ANKRD36B: variants seen among roughly 807,000 people sequenced by gnomAD.
The protein encoded by ANKRD36B is ankyrin repeat domain-containing protein 36B.
A neutral mutation model predicts 135.7 loss-of-function variants in ANKRD36B; 37 were observed. The observed-to-expected ratio is 0.27, with a 90% CI of 0.21 to 0.36. ANKRD36B has a LOEUF of 0.36. Ranked by LOEUF, ANKRD36B falls within the 10% of genes least tolerant of loss-of-function variation. The pLI is 1.00. For missense variants in ANKRD36B, 549 were observed against 1,037.1 expected, an observed-to-expected ratio of 0.53 and a Z score of 6.46; for synonymous variants, 179 against 348.1, an observed-to-expected ratio of 0.51 and a Z score of 5.41.
rs536199012 is a variant in ANKRD36B, at chr2:97,540,496, C to T, written c.1886-267G>A. ...TAAAATAAAACCGTGTCAATATCAA[C>T]GTGGATATGCTGAGTGATGAGGACA... On this transcript the variant is annotated intron_variant, in intron 28 of 43. Transcript: ENST00000359901. Among the ~76,000 whole-genome samples, 17 of 96,352 alleles carry T rather than the reference C, an allele frequency of 1.8e-4. 5 individuals are homozygous for T. The highest frequency in any genetic ancestry group is 4.0e-4 in the African/African-American group (13 of 32,318). The allele number at this position is 96,352 out of a possible 152,430, so 63.2% of individuals were successfully genotyped here.
At position 97,525,596 on chromosome 2, in the gene ANKRD36B, G is replaced by A. The variant is rs1191676701; in HGVS notation, c.2266-2129C>T. ...CACTGTGCATGACCTGAGGGAGGGT[G>A]AGGCATTGCCTCACTCAGGAAGTGG... On this transcript the variant is annotated intron_variant, in intron 35 of 43. Coordinates refer to ENST00000359901, the MANE Select transcript of ANKRD36B (RefSeq NM_001393939.1). Among the ~76,000 whole-genome samples the A allele has an allele frequency of 2.1e-5, 2 of 96,424 alleles. 1 individual carries two copies. The highest frequency in any genetic ancestry group is 4.6e-4 in the East Asian group (2 of 4,308). 63.3% of individuals were successfully genotyped at this position (96,424 alleles called of 152,430 possible). A position where few individuals can be genotyped will look rare whatever the true frequency, so the allele number is the denominator to read the frequency against.
chr2:97,541,737 C>T, intron 28 of ANKRD36B, 174 bp downstream of exon 28: 1 of 562,982 alleles, frequency 1.8e-6, no homozygotes, highest in Non-Finnish European at 3.3e-6. Flanking sequence ...CTACTCAGAT[C>T]ATGGTCAAGG....
At chr2:97,585,480 T>C (rs1055205176) in intron 1 of ANKRD36B, 82 bp from the exon 2 acceptor site, 21 of 1,472,076 alleles carry the variant, frequency 1.4e-5, no homozygotes, top group African/African-American at 1.3e-4. Flanking sequence ...AAAACAAATA[T>C]GTAATTTTCT....
intron 20 of ANKRD36B, 31 bp downstream of exon 20, chr2:97,549,388 A>G: frequency 5.2e-6 from 8 of 1,539,266 alleles, no homozygotes; most frequent in Non-Finnish European, 6.1e-6. Context: ...ATCTGGACTG[A>G]ACATGACATT....
chr2:97,582,387 T>C (rs1326535669), intron 3 of ANKRD36B, among the ~76,000 whole-genome samples: 17 of 151,508 alleles, frequency 1.1e-4, no homozygotes, highest in Non-Finnish European at 1.5e-5. Context: ...TAAAATATAT[T>C]ATAAAACAGG....
chr2:97,577,801 T>C (rs2082323389), intron 5 of ANKRD36B, among the ~76,000 whole-genome samples: 1 of 151,340 alleles, frequency 6.6e-6, no homozygotes. Context: ...TCTTCATTAT[T>C]ATAGATAACA....
intron 22 of ANKRD36B, 149 bp downstream of exon 22, chr2:97,547,387 A>C: frequency 1.0e-6 from 1 of 983,240 alleles, no homozygotes; most frequent in Non-Finnish European, 1.5e-6. Flanking sequence ...CAGCAACACT[A>C]TCACCCACGA....
At chr2:97,559,641 T>A (rs2080845976) in intron 8 of ANKRD36B, among the ~76,000 whole-genome samples, 1 of 151,918 alleles carries the variant, frequency 6.6e-6, no homozygotes, top group Non-Finnish European at 1.5e-5. Flanking sequence ...CATCCACTCA[T>A]GGCAACAAAC....
At chr2:97,525,749 A>G (rs2078168042) in intron 35 of ANKRD36B, among the ~76,000 whole-genome samples, 4 of 97,422 alleles carry the variant, frequency 4.1e-5, no homozygotes, top group Admixed American at 9.0e-5. Context: ...CCAGGAGATT[A>G]TATCCTGCAC....
chr2:97,573,122 T>C (rs947671561), intron 6 of ANKRD36B, among the ~76,000 whole-genome samples: 5 of 152,064 alleles, frequency 3.3e-5, no homozygotes, highest in African/African-American at 1.2e-4. Context: ...GTCCATGTGT[T>C]CTCATTGTTC....
intron 38 of ANKRD36B, among the ~76,000 whole-genome samples, chr2:97,512,909 ATG>A (rs1375648284): frequency 8.6e-6 from 1 of 116,446 alleles, no homozygotes; most frequent in Non-Finnish European, 1.6e-5. Flanking sequence ...TAGGGGAAAT[ATG>A]CTGAACTATG....
At position 97,560,868 on chromosome 2, in the gene ANKRD36B, G is replaced by A. The variant is rs1411821809; in HGVS notation, c.764-8C>T. The stretch of plus-strand genomic sequence containing the variant: ...GTTGTTTCTGAGGAGACACTGAAAA[G>A]CAAAAGGGATACATAATCAATCATA... On this transcript the variant is annotated splice_polypyrimidine_tract_variant and splice_region_variant and intron_variant, in intron 6 of 43. Coordinates refer to ENST00000359901, the MANE Select transcript of ANKRD36B (RefSeq NM_001393939.1). 1 of 1,564,910 alleles carries A rather than the reference G, an allele frequency of 6.4e-7. No homozygotes were observed.
intron 6 of ANKRD36B, among the ~76,000 whole-genome samples, chr2:97,573,160 G>A (rs576699370): frequency 2.2e-4 from 33 of 151,960 alleles, no homozygotes; most frequent in Middle Eastern, 3.4e-3. Context: ...GACAACATGC[G>A]GTGTTTCGTT....
intron 6 of ANKRD36B, among the ~76,000 whole-genome samples, chr2:97,573,237 A>G (rs2082004687): frequency 6.6e-6 from 1 of 152,206 alleles, no homozygotes; most frequent in African/African-American, 2.4e-5. Flanking sequence ...TACAAAGGAC[A>G]TGAACTCATC....
intron 8 of ANKRD36B, among the ~76,000 whole-genome samples, chr2:97,559,970 A>T (rs542014521): frequency 1.4e-4 from 22 of 152,004 alleles, no homozygotes; most frequent in Admixed American, 1.3e-3. Flanking sequence ...AGTCAACAAA[A>T]CATGTATCTC....
At chr2:97,576,009 T>C (rs2082210981) in intron 6 of ANKRD36B, among the ~76,000 whole-genome samples, 1 of 150,776 alleles carries the variant, frequency 6.6e-6, no homozygotes, top group Non-Finnish European at 1.5e-5. Flanking sequence ...ATTCATTTAG[T>C]AATTGCAAAG....
At chr2:97,538,506 C>A in intron 30 of ANKRD36B, 143 bp from the exon 31 acceptor site, 2 of 509,406 alleles carry the variant, frequency 3.9e-6, no homozygotes, top group South Asian at 2.0e-5. Context: ...GTCTTTGGGA[C>A]AGGAACATGA....
At chr2:97,550,557 G>A (rs11688491) in intron 18 of ANKRD36B, among the ~76,000 whole-genome samples, 84,619 of 150,720 alleles carry the variant, frequency 0.56, 25,228 homozygotes, top group Non-Finnish European at 0.67. Context: ...AAGCCAATGT[G>A]TTCATATTCA....
chr2:97,549,692 T>A, intron 18 of ANKRD36B, 78 bp from the exon 19 acceptor site: 1 of 1,594,924 alleles, frequency 6.3e-7, no homozygotes, highest in Non-Finnish European at 8.5e-7. Flanking sequence ...AGTGTTAGCA[T>A]CAAACTCTGT....
Sources: allele counts gnomAD v4.1 joint callset (sites outside exome capture counted in the v4.1 genomes callset), GRCh38; gene constraint gnomAD v4.1.1; transcripts MANE v1.5; gene names NCBI Gene and HGNC (gene_info 2026-07-23, HGNC 2026-07-21).